Variants in ADAMTS19 observed in about 807,000 individuals in gnomAD.
ADAMTS19 encodes the protein A disintegrin and metalloproteinase with thrombospondin motifs 19.
Under a neutral mutation model 153.3 loss-of-function variants are expected in ADAMTS19, and 93 were observed. The ratio of observed to expected loss-of-function variants is 0.61; its 90% CI spans 0.51 to 0.72. The LOEUF is 0.72. Ranked by LOEUF, ADAMTS19 falls within the 30% of genes least tolerant of loss-of-function variation. The pLI is 0.00. For missense variants in ADAMTS19, 1,482 were observed against 1,552.1 expected (o/e 0.95, Z 0.76); for synonymous variants, 600 against 556.6 (o/e 1.08, Z -1.10).
At chr5:129,548,771 C>T (rs1451286415) in intron 6 of ADAMTS19, among the ~76,000 whole-genome samples, 1 of 151,788 alleles carries the variant, frequency 6.6e-6, no homozygotes, top group Non-Finnish European at 1.5e-5. Context: ...GACTTGGAAC[C>T]AACCCAAATG....
chr5:129,732,927 C>T lies in ADAMTS19; in HGVS notation c.3313-2005C>T, dbSNP rs142231243. ...ACTTTATGCTACAAGGCTATAGTAA[C>T]GAAAATAGCATGGTACTGGTACAAA... On this transcript the variant is annotated intron_variant, in intron 21 of 22. Coordinates refer to ENST00000274487, the MANE Select transcript of ADAMTS19 (RefSeq NM_133638.6). 1.4e-3 allele frequency among the ~76,000 whole-genome samples: 219 copies of T among 152,010 alleles called. 1 individual carries two copies. Among genetic ancestry groups the T allele is most frequent in the East Asian group, 9.7e-4 (5 of 5,154 alleles).
intron 2 of ADAMTS19, among the ~76,000 whole-genome samples, chr5:129,486,798 A>G (rs2126681302): frequency 6.6e-6 from 1 of 152,340 alleles, no homozygotes; most frequent in East Asian, 1.9e-4. Context: ...AATCAGAAGC[A>G]GGAGGATAAG....
intron 8 of ADAMTS19, among the ~76,000 whole-genome samples, chr5:129,602,924 C>T (rs1750730932): frequency 6.6e-6 from 1 of 151,452 alleles, no homozygotes; most frequent in African/African-American, 2.4e-5. Flanking sequence ...TTTCTCTCCA[C>T]TAAGTTCGTA....
chr5:129,730,099 C>T (rs1451722462), intron 21 of ADAMTS19, among the ~76,000 whole-genome samples: 1 of 151,972 alleles, frequency 6.6e-6, no homozygotes, highest in Non-Finnish European at 1.5e-5. Flanking sequence ...ATTGCATTGT[C>T]CTGAAAATAC....
chr5:129,471,309 T>A (rs1367089317), intron 2 of ADAMTS19, among the ~76,000 whole-genome samples: 1 of 151,798 alleles, frequency 6.6e-6, no homozygotes, highest in Non-Finnish European at 1.5e-5. Context: ...GAGGCTGCAG[T>A]GAGCTGTGAT....
chr5:129,733,228 T>C (rs1757518139), intron 21 of ADAMTS19, among the ~76,000 whole-genome samples: 1 of 151,988 alleles, frequency 6.6e-6, no homozygotes, highest in Admixed American at 6.6e-5. Context: ...AAGAAAATGC[T>C]TTTGGACTTT....
chr5:129,597,454 C>T (rs1289652294), intron 8 of ADAMTS19, among the ~76,000 whole-genome samples: 2 of 152,154 alleles, frequency 1.3e-5, no homozygotes, highest in Non-Finnish European at 2.9e-5. Context: ...GGGGTTTGAA[C>T]TCAAGCCATT....
At chr5:129,595,785 A>G (rs747867426) in intron 7 of ADAMTS19, among the ~76,000 whole-genome samples, 15 of 152,240 alleles carry the variant, frequency 9.9e-5, no homozygotes, top group East Asian at 1.9e-4. Flanking sequence ...TGAAAATAAC[A>G]TTATAACTTA....
intron 8 of ADAMTS19, among the ~76,000 whole-genome samples, chr5:129,620,070 G>C (rs954086353): frequency 1.3e-5 from 2 of 151,846 alleles, no homozygotes; most frequent in African/African-American, 4.8e-5. Context: ...TTTTAGAATA[G>C]AATTTCAACA....
chr5:129,666,200 T>G (rs1478946985), intron 16 of ADAMTS19, among the ~76,000 whole-genome samples: 1 of 152,004 alleles, frequency 6.6e-6, no homozygotes, highest in Non-Finnish European at 1.5e-5. Context: ...GGTCAATTCA[T>G]GATTTTAAAT....
At chr5:129,597,208 A>G (rs546300476) in intron 8 of ADAMTS19, among the ~76,000 whole-genome samples, 2 of 152,320 alleles carry the variant, frequency 1.3e-5, no homozygotes, top group Non-Finnish European at 2.9e-5. Context: ...CAAAACCCAA[A>G]GAGGTAGTTA....
intron 2 of ADAMTS19, among the ~76,000 whole-genome samples, chr5:129,495,457 T>A (rs1750897462): frequency 6.6e-6 from 1 of 152,006 alleles, no homozygotes; most frequent in Non-Finnish European, 1.5e-5. Context: ...ATGAGAATAT[T>A]TGTCATATAT....
chr5:129,605,617 C>T (rs1414781094), intron 8 of ADAMTS19, among the ~76,000 whole-genome samples: 1 of 152,170 alleles, frequency 6.6e-6, no homozygotes, highest in Non-Finnish European at 1.5e-5. Context: ...ATGTAACTCT[C>T]TACCCTATGT....
At chr5:129,622,148 C>A in intron 9 of ADAMTS19, 50 bp from the exon 10 acceptor site, 1 of 1,595,796 alleles carries the variant, frequency 6.3e-7, no homozygotes, top group Non-Finnish European at 8.6e-7. Context: ...CCAATCATAT[C>A]AGCTTTTTAC....
At chr5:129,520,126 G>A (rs774602516) in intron 3 of ADAMTS19, among the ~76,000 whole-genome samples, 6 of 152,108 alleles carry the variant, frequency 3.9e-5, no homozygotes, top group Admixed American at 1.3e-4. Flanking sequence ...AGTTTATAGA[G>A]ATCTTTCATT....
At chr5:129,692,345 A>T (rs1478802979) in intron 18 of ADAMTS19, among the ~76,000 whole-genome samples, 1 of 152,156 alleles carries the variant, frequency 6.6e-6, no homozygotes, top group Non-Finnish European at 1.5e-5. Context: ...CATGTGAAAA[A>T]AAAAAGAGCA....
At chr5:129,680,875 T>A (rs1408790663) in intron 17 of ADAMTS19, among the ~76,000 whole-genome samples, 1 of 152,184 alleles carries the variant, frequency 6.6e-6, no homozygotes, top group Non-Finnish European at 1.5e-5. Context: ...GTGCCCCTTT[T>A]GACCTTGATT....
chr5:129,497,215 GA>G (rs200430363), intron 2 of ADAMTS19, among the ~76,000 whole-genome samples: 3 of 149,244 alleles, frequency 2.0e-5, no homozygotes, highest in East Asian at 3.9e-4. Context: ...TTTGTTTTTT[GA>G]AAAAAAAATC....
At chr5:129,523,621 T>G (rs1751901244) in intron 3 of ADAMTS19, among the ~76,000 whole-genome samples, 1 of 152,170 alleles carries the variant, frequency 6.6e-6, no homozygotes, top group Non-Finnish European at 1.5e-5. Flanking sequence ...CGCAAATTTA[T>G]TATTGAAGCA....
Sources: gnomAD v4.1 joint callset for allele counts (sites outside exome capture counted in the v4.1 genomes callset) on GRCh38, gnomAD v4.1.1 for gene constraint, MANE v1.5 for transcripts, NCBI Gene and HGNC (gene_info 2026-07-23, HGNC 2026-07-21) for gene names.